The following RPGRIP1L variants were observed in gnomAD, a reference collection of about 807,000 sequenced individuals.
RPGRIP1L encodes the protein RPGRIP1 like.
In RPGRIP1L, 131 loss-of-function variants were observed where a neutral mutation model predicts 160.4. The ratio of observed to expected loss-of-function variants is 0.82; its 90% CI spans 0.71 to 0.94. RPGRIP1L has a LOEUF of 0.94. Among genes scored for constraint, RPGRIP1L ranks in the 40% least tolerant of loss-of-function variants. The pLI is 0.00. For missense variants in RPGRIP1L, 1,522 were observed against 1,535.8 expected (o/e 0.99, Z 0.15); for synonymous variants, 510 against 515.8 (o/e 0.99, Z 0.15).
chr16:53,650,706 A>T (rs1031731595), intron 15 of RPGRIP1L, among the ~76,000 whole-genome samples: 1 of 152,168 alleles, frequency 6.6e-6, no homozygotes, highest in African/African-American at 2.4e-5. Flanking sequence ...TATTACCTCA[A>T]TCAATCACTC....
At chr16:53,620,132 T>A (rs1051744487) in intron 23 of RPGRIP1L, among the ~76,000 whole-genome samples, 5 of 152,194 alleles carry the variant, frequency 3.3e-5, no homozygotes, top group Non-Finnish European at 5.9e-5. Flanking sequence ...AAATAAGACC[T>A]GTTTATATGA....
chr16:53,695,605 C>CAAGAT (rs1226277679), intron 3 of RPGRIP1L: 1 of 578,394 alleles, frequency 1.7e-6, no homozygotes, highest in East Asian at 2.8e-5. Flanking sequence ...TCATTTTTGC[C>CAAGAT]AAGATTTTTT....
intron 1 of RPGRIP1L, 114 bp from the exon 2 acceptor site, chr16:53,700,844 G>T: frequency 1.3e-6 from 1 of 759,956 alleles, no homozygotes; most frequent in Non-Finnish European, 2.3e-6. Context: ...GCATCTTATT[G>T]TCCACATGTG....
intron 25 of RPGRIP1L, chr16:53,607,994 C>A: frequency 8.1e-6 from 8 of 984,888 alleles, no homozygotes; most frequent in Non-Finnish European, 9.6e-6. Flanking sequence ...AGTCTGAGGA[C>A]CTGGATGGAC....
Position 53,615,451 on chromosome 16 carries a change from AAT to A in RPGRIP1L, c.3616+3572_3616+3573del, listed in dbSNP as rs1253551117. Among the ~76,000 whole-genome samples the A allele has an allele frequency of 3.5e-3, 429 of 122,358 alleles. 27 individuals are homozygous for A. The highest frequency in any genetic ancestry group is 0.027 in the Middle Eastern group (6 of 224). 80.3% of individuals were successfully genotyped at this position (122,358 alleles called of 152,430 possible). A position where few individuals can be genotyped will look rare whatever the true frequency, so the allele number is the denominator to read the frequency against. ...GTTTTTCAGTGTTGGTATTTCTAAG[AAT>A]ATATATATATATATATATATTTTTT... On this transcript the variant is annotated intron_variant, in intron 24 of 26. Transcript: ENST00000647211.
intron 25 of RPGRIP1L, chr16:53,607,928 A>G: frequency 1.0e-6 from 1 of 959,714 alleles, no homozygotes; most frequent in Non-Finnish European, 1.2e-6. Context: ...TACTTTCAAC[A>G]CTGCCAAAAC....
rs1379676881 is a variant in RPGRIP1L at position 53,700,059 on chromosome 16, T to C, written c.85+580A>G. Reference sequence around the variant, plus strand: ...ATGCATGACAGCATAGCTGACACAATGGACACACAAAGATAAACACAGCTC... The same window carrying C: ...ATGCATGACAGCATAGCTGACACAACGGACACACAAAGATAAACACAGCTC... On this transcript the variant is annotated intron_variant, in intron 2 of 26. Transcript: ENST00000647211. Among the ~76,000 whole-genome samples, 5 of 152,326 alleles carry C rather than the reference T, an allele frequency of 3.3e-5. No homozygotes were observed. In the East Asian group the frequency reaches 7.7e-4, roughly 24 times the overall value.
rs753220720 is a variant in RPGRIP1L at position 53,664,983 on chromosome 16, T to G, written c.1130A>C (p.Gln377Pro). Residue 377 changes from glutamine to proline, a missense_variant, in exon 10 of 27, where the codon CAA (glutamine) becomes CCA (proline). Transcript: ENST00000647211. The stretch of plus-strand genomic sequence containing the variant: ...CAGCTGTTGCTCCTTTAACTTCCAT[T>G]GCTCTTCATGGGCAGCACTGAAGGC... ...DSAFSAAHEE[Q>P]WKLKEQQLKV... The G allele has an allele frequency of 1.9e-5, 30 of 1,613,580 alleles. No homozygotes were observed. The highest frequency in any genetic ancestry group is 2.5e-5 in the Non-Finnish European group (30 of 1,179,906).
chr16:53,692,628 C>T (rs1178407956), intron 3 of RPGRIP1L, among the ~76,000 whole-genome samples: 1 of 152,140 alleles, frequency 6.6e-6, no homozygotes, highest in Non-Finnish European at 1.5e-5. Flanking sequence ...CATATTTACT[C>T]CATATGTTCC....
chr16:53,616,247 C>T (rs1019604667), intron 24 of RPGRIP1L, among the ~76,000 whole-genome samples: 2 of 152,138 alleles, frequency 1.3e-5, no homozygotes, highest in East Asian at 3.8e-4. Context: ...ATTATATTGA[C>T]CTTCTGTATC....
At chr16:53,645,462 C>T (rs554523624) in intron 17 of RPGRIP1L, among the ~76,000 whole-genome samples, 163 bp downstream of exon 17, 7 of 151,564 alleles carry the variant, frequency 4.6e-5, no homozygotes, top group Non-Finnish European at 8.8e-5. Flanking sequence ...GCACATAGAG[C>T]GACTAGTAAG....
chr16:53,673,685 TC>T (rs1397444965), intron 7 of RPGRIP1L, among the ~76,000 whole-genome samples: 1 of 152,130 alleles, frequency 6.6e-6, no homozygotes, highest in African/African-American at 2.4e-5. Flanking sequence ...ATCTCTCAAG[TC>T]CCACTGAAGT....
chr16:53,703,289 A>G (rs1002087879), intron 1 of RPGRIP1L: 3 of 152,196 alleles, frequency 2.0e-5, no homozygotes. Context: ...AAAAGAATAA[A>G]GAAAAAATAT....
chr16:53,631,609 A>G (rs576966267), intron 22 of RPGRIP1L, among the ~76,000 whole-genome samples: 1 of 152,316 alleles, frequency 6.6e-6, no homozygotes, highest in South Asian at 2.1e-4. Context: ...GAGGACCTGA[A>G]ACAAGGCTTT....
At chr16:53,699,990 A>G (rs542777802) in intron 2 of RPGRIP1L, among the ~76,000 whole-genome samples, 39 of 152,340 alleles carry the variant, frequency 2.6e-4, no homozygotes, top group Admixed American at 1.6e-3. Context: ...TTCTCAGGCT[A>G]GAGGGGGATT....
chr16:53,619,187 C>T lies in RPGRIP1L; in HGVS notation c.3454G>A (p.Glu1152Lys), dbSNP rs1210120285. The change falls in exon 24 of 27, where the codon GAG becomes AAG. Residue 1152 changes from glutamate to lysine, a missense_variant. By Grantham distance (56) the Glu-to-Lys change is moderately conservative (BLOSUM62 1). Coordinates refer to ENST00000647211, the MANE Select transcript of RPGRIP1L (RefSeq NM_015272.5). ...TCATTAAGGCTTAGAGCTATGATCT[C>T]AATCCGAATTTTTTCTGATGGCTGT... ...HTQPSEKIRI[E>K]IIALSLNDSQ... The T allele has an allele frequency of 6.2e-7, 1 of 1,613,290 alleles. No homozygotes were observed. The highest frequency in any genetic ancestry group is 1.3e-5 in the African/African-American group (1 of 74,866).
At chr16:53,658,087 C>T (rs980423084) in intron 12 of RPGRIP1L, among the ~76,000 whole-genome samples, 2 of 151,922 alleles carry the variant, frequency 1.3e-5, no homozygotes, top group Non-Finnish European at 2.9e-5. Flanking sequence ...GGCAGAAAAT[C>T]GATGAGTTAA....
chr16:53,606,626 T>C (rs1400460040), intron 25 of RPGRIP1L, among the ~76,000 whole-genome samples: 4 of 152,208 alleles, frequency 2.6e-5, no homozygotes, highest in Non-Finnish European at 5.9e-5. Context: ...TTGTTGTGTT[T>C]TTTTTGAGAT....
chr16:53,601,960 C>A lies in RPGRIP1L; in HGVS notation c.*116G>T, dbSNP rs1963397088. ...CACTTCAAACCCAGGTCTCCCCGCT[C>A]CCAGCTTCCCATGAATTATAGATTA... On this transcript the variant is annotated 3_prime_UTR_variant, in exon 27 of 27. Transcript: ENST00000647211. 1.4e-6 allele frequency: 1 copy of A among 720,214 alleles called. No individual in the cohort carries two copies. The highest frequency in any genetic ancestry group is 2.0e-5 in the Admixed American group (1 of 49,320). 44.6% of individuals were successfully genotyped at this position (720,214 alleles called of 1,614,324 possible).
Sources: gnomAD v4.1 joint callset for allele counts (sites outside exome capture counted in the v4.1 genomes callset) on GRCh38, gnomAD v4.1.1 for gene constraint, MANE v1.5 for transcripts, NCBI Gene and HGNC (gene_info 2026-07-23, HGNC 2026-07-21) for gene names.